Variants in BTD observed in about 807,000 individuals in gnomAD.
BTD encodes biocytinase.
BTD carries 13 observed loss-of-function variants against 17.7 expected under a neutral mutation model. That is an observed-to-expected ratio of 0.74 (90% CI 0.48 to 1.17). The LOEUF (loss-of-function observed/expected upper bound fraction) is 1.17, where lower values mean the gene tolerates loss of function less well. Ranked by LOEUF, BTD falls within the 50% of genes most tolerant of loss-of-function variation. The probability of loss-of-function intolerance (pLI) is 0.00; values close to 1 mark genes in which losing one functional copy is unlikely to be tolerated. For missense variants in BTD, 674 were observed against 650.4 expected, an observed-to-expected ratio of 1.04 and a Z score of -0.39; for synonymous variants, 240 against 245.2, an observed-to-expected ratio of 0.98 and a Z score of 0.20.
intron 4 of BTD, among the ~76,000 whole-genome samples, chr3:15,721,730 C>T (rs2073753615): frequency 6.6e-6 from 1 of 152,002 alleles, no homozygotes; most frequent in Admixed American, 6.6e-5. Flanking sequence ...AGAAACAATT[C>T]ATGTAATTAA....
intron 1 of BTD, chr3:15,632,856 T>C (rs991353545): frequency 6.6e-6 from 1 of 152,242 alleles, no homozygotes; most frequent in Non-Finnish European, 1.5e-5. Flanking sequence ...TATTTACTTT[T>C]TCCTGAGAAG....
intron 2 of BTD, among the ~76,000 whole-genome samples, chr3:15,639,678 T>A (rs921473463): frequency 6.6e-6 from 1 of 152,238 alleles, no homozygotes; most frequent in African/African-American, 2.4e-5. Context: ...CCATCTTGCC[T>A]TATTTTTAGG....
intron 3 of BTD, among the ~76,000 whole-genome samples, chr3:15,658,955 T>A (rs1387464083): frequency 6.6e-6 from 1 of 152,110 alleles, no homozygotes; most frequent in East Asian, 1.9e-4. Context: ...GTCCACAAAT[T>A]TGACCACACA....
At chr3:15,705,600 A>G (rs2071244170) in intron 3 of BTD, among the ~76,000 whole-genome samples, 1 of 152,236 alleles carries the variant, frequency 6.6e-6, no homozygotes, top group Admixed American at 6.5e-5. Context: ...GTTTACCAAA[A>G]TATTTTCTGA....
At position 15,646,088 on chromosome 3, in the gene BTD, C is replaced by G. The variant is rs925780789; in HGVS notation, c.*600C>G. 6.6e-6 allele frequency: 1 copy of G among 152,326 alleles called. No homozygotes were observed. Among genetic ancestry groups the G allele is most frequent in the Admixed American group, 6.5e-5 (1 of 15,294 alleles). 9.4% of individuals were successfully genotyped at this position (152,326 alleles called of 1,614,324 possible). A position where few individuals can be genotyped will look rare whatever the true frequency, so the allele number is the denominator to read the frequency against. Reference sequence around the variant, plus strand: ...CTTTTAAAAATAGAAAAGAAGCGTTCCTCACATCTGCCAGTAATGGAATTT... The same window carrying G: ...CTTTTAAAAATAGAAAAGAAGCGTTGCTCACATCTGCCAGTAATGGAATTT... On this transcript the variant is annotated 3_prime_UTR_variant, in exon 4 of 4. Coordinates refer to ENST00000643237, the MANE Select transcript of BTD (RefSeq NM_001370658.1).
At chr3:15,670,556 C>G in intron 3 of BTD, 1 of 1,606,694 alleles carries the variant, frequency 6.2e-7, no homozygotes, top group Non-Finnish European at 8.5e-7. Flanking sequence ...TGGGGTATAG[C>G]CTAGAATTAA....
At chr3:15,701,275 G>C (rs1054149645) in intron 3 of BTD, among the ~76,000 whole-genome samples, 4 of 152,152 alleles carry the variant, frequency 2.6e-5, no homozygotes, top group African/African-American at 7.2e-5. Context: ...TTCAATGGCA[G>C]CAAATATTCA....
downstream of BTD, among the ~76,000 whole-genome samples, chr3:15,655,470 T>C (rs2065862419): frequency 6.6e-6 from 1 of 152,196 alleles, no homozygotes; most frequent in Non-Finnish European, 1.5e-5. Flanking sequence ...TATTGAATAG[T>C]AAAAGGGACA....
intron 3 of BTD, among the ~76,000 whole-genome samples, chr3:15,704,303 G>T (rs1253149601): frequency 6.6e-6 from 1 of 151,816 alleles, no homozygotes; most frequent in Admixed American, 6.6e-5. Context: ...AATGAGTCAC[G>T]GAAGATTTCA....
intron 1 of BTD, among the ~76,000 whole-genome samples, chr3:15,624,383 T>G (rs763699994): frequency 6.6e-5 from 10 of 152,106 alleles, no homozygotes; most frequent in African/African-American, 2.4e-4. Context: ...GTCCACTGTT[T>G]GTTGATTTTT....
intron 1 of BTD, among the ~76,000 whole-genome samples, chr3:15,621,068 A>G (rs1246807248): frequency 6.6e-6 from 1 of 152,270 alleles, no homozygotes; most frequent in Admixed American, 6.5e-5. Flanking sequence ...GCTCCTGCAG[A>G]TAAATCAACA....
intron 1 of BTD, among the ~76,000 whole-genome samples, chr3:15,612,375 G>C (rs1403444698): frequency 1.3e-5 from 2 of 152,060 alleles, no homozygotes; most frequent in Non-Finnish European, 2.9e-5. Context: ...TCAACCATAG[G>C]TTGGCATAAT....
intron 3 of BTD, among the ~76,000 whole-genome samples, chr3:15,672,274 G>C (rs1311677369): frequency 6.6e-6 from 1 of 151,568 alleles, no homozygotes; most frequent in Non-Finnish European, 1.5e-5. Context: ...CCCCTGACTA[G>C]CTCTGACTAT....
chr3:15,685,155 C>A, intron 3 of BTD: 1 of 1,532,550 alleles, frequency 6.5e-7, no homozygotes, highest in South Asian at 1.1e-5. Context: ...TTAAAATTTG[C>A]CTTATAAATA....
At chr3:15,722,099 A>G (rs1439508252) in exon 5 of BTD, among the ~76,000 whole-genome samples, 2 of 152,164 alleles carry the variant, frequency 1.3e-5, no homozygotes, top group Non-Finnish European at 2.9e-5. Context: ...AGTGTGTAGT[A>G]AAGAATCTGA....
intron 3 of BTD, among the ~76,000 whole-genome samples, chr3:15,661,335 G>A (rs1163260948): frequency 6.6e-6 from 1 of 151,056 alleles, no homozygotes; most frequent in African/African-American, 2.4e-5. Flanking sequence ...CTAGCATTTG[G>A]TGTTGTCAGT....
At chr3:15,690,797 T>G (rs925740615) in intron 3 of BTD, among the ~76,000 whole-genome samples, 2 of 152,134 alleles carry the variant, frequency 1.3e-5, no homozygotes, top group African/African-American at 4.8e-5. Flanking sequence ...TCAAAATTCC[T>G]GGCCTCAAGT....
chr3:15,643,859 C>T (rs1488934250), intron 3 of BTD, among the ~76,000 whole-genome samples: 2 of 141,730 alleles, frequency 1.4e-5, no homozygotes, highest in African/African-American at 5.3e-5. Context: ...GAGTTTGAGT[C>T]CAGCCTGGGC....
intron 1 of BTD, among the ~76,000 whole-genome samples, chr3:15,622,028 G>A (rs2064964743): frequency 6.6e-6 from 1 of 152,098 alleles, no homozygotes; most frequent in African/African-American, 2.4e-5. Context: ...GCTCATGTCA[G>A]TAATATGTGT....
Sources: gnomAD v4.1 joint callset for allele counts (sites outside exome capture counted in the v4.1 genomes callset) on GRCh38, gnomAD v4.1.1 for gene constraint, MANE v1.5 for transcripts, NCBI Gene and HGNC (gene_info 2026-07-23, HGNC 2026-07-21) for gene names.